PRKN: variants seen among roughly 807,000 people sequenced by gnomAD.
The protein encoded by PRKN is E3 ubiquitin-protein ligase parkin.
PRKN carries 56 observed loss-of-function variants against 59.5 expected under a neutral mutation model. The observed-to-expected ratio is 0.94, with a 90% CI of 0.76 to 1.18. PRKN has a LOEUF of 1.18. Ranked by LOEUF, PRKN falls within the 50% of genes most tolerant of loss-of-function variation. The pLI is 0.00. For synonymous variants in PRKN, 250 were observed against 222.1 expected (o/e 1.13, Z -1.12); for missense variants, 657 against 596.4 (o/e 1.10, Z -1.06).
intron 4 of PRKN, among the ~76,000 whole-genome samples, chr6:162,193,251 G>T (rs1784359939): frequency 6.6e-6 from 1 of 152,160 alleles, no homozygotes; most frequent in Non-Finnish European, 1.5e-5. Context: ...CTAGGCAAAG[G>T]ACAAAGGCTC....
At chr6:161,531,536 G>T (rs1307580013) in intron 9 of PRKN, among the ~76,000 whole-genome samples, 1 of 152,156 alleles carries the variant, frequency 6.6e-6, no homozygotes, top group East Asian at 1.9e-4. Context: ...CAAGGTAGGT[G>T]GCCCAGTAAG....
intron 5 of PRKN, among the ~76,000 whole-genome samples, chr6:162,043,807 C>T (rs374353375): frequency 7.7e-4 from 117 of 152,324 alleles, no homozygotes; most frequent in African/African-American, 2.8e-3. Context: ...AATCTTCATA[C>T]TGGATCATCC....
chr6:162,182,351 T>C (rs1427500058), intron 4 of PRKN, among the ~76,000 whole-genome samples: 5 of 152,202 alleles, frequency 3.3e-5, no homozygotes, highest in Admixed American at 3.3e-4. Flanking sequence ...GAAGACAGAC[T>C]TATAAAATAT....
At chr6:162,723,747 A>G (rs1435119180) in intron 1 of PRKN, among the ~76,000 whole-genome samples, 1 of 152,240 alleles carries the variant, frequency 6.6e-6, no homozygotes, top group Non-Finnish European at 1.5e-5. Flanking sequence ...AAGTAAAAAG[A>G]TATGGCCACA....
intron 6 of PRKN, among the ~76,000 whole-genome samples, chr6:161,961,672 C>T (rs1053765703): frequency 3.9e-5 from 6 of 152,148 alleles, no homozygotes; most frequent in Admixed American, 2.0e-4. Flanking sequence ...CTGCCATCGA[C>T]AGAAATGCAT....
intron 2 of PRKN, among the ~76,000 whole-genome samples, chr6:162,364,974 TC>T (rs1270234248): frequency 1.6e-4 from 24 of 145,776 alleles, no homozygotes; most frequent in South Asian, 6.4e-4. Flanking sequence ...TCTCTCTCTC[TC>T]TCTCTTTTTT....
At chr6:162,005,701 T>C (rs1259353875) in intron 5 of PRKN, among the ~76,000 whole-genome samples, 1 of 152,164 alleles carries the variant, frequency 6.6e-6, no homozygotes, top group Non-Finnish European at 1.5e-5. Flanking sequence ...CAGTTTACTT[T>C]TCCAAGTTAG....
intron 1 of PRKN, among the ~76,000 whole-genome samples, chr6:162,724,290 C>T (rs1210903807): frequency 4.6e-5 from 7 of 152,142 alleles, no homozygotes; most frequent in Admixed American, 6.5e-5. Flanking sequence ...AATTTTTAAC[C>T]GACTTCAATT....
At chr6:161,610,884 A>C (rs1459745160) in intron 7 of PRKN, among the ~76,000 whole-genome samples, 2 of 152,196 alleles carry the variant, frequency 1.3e-5, no homozygotes, top group Non-Finnish European at 2.9e-5. Flanking sequence ...GGTGGTCACA[A>C]GGTGTCACCG....
At chr6:162,186,100 A>G (rs1477259455) in intron 4 of PRKN, among the ~76,000 whole-genome samples, 3 of 152,094 alleles carry the variant, frequency 2.0e-5, no homozygotes, top group African/African-American at 7.2e-5. Flanking sequence ...ACCTTACCCA[A>G]TTCACATGGT....
chr6:161,879,716 T>C (rs545859549), intron 6 of PRKN, among the ~76,000 whole-genome samples: 8 of 152,206 alleles, frequency 5.3e-5, no homozygotes, highest in Non-Finnish European at 1.2e-4. Flanking sequence ...ATGGACTTTT[T>C]TAATGTTAGA....
chr6:161,976,503 G>A lies in PRKN; in HGVS notation c.619-3086C>T, dbSNP rs117965202. ...TTCCCCACAGCAGCATGGAAATCAT[G>A]CTGGCTGATGTTTTTGTTTGGTTAT... On this transcript the variant is annotated intron_variant, in intron 5 of 11. Transcript: ENST00000366898. 6.4e-3 allele frequency among the ~76,000 whole-genome samples: 982 copies of A among 152,306 alleles called. 6 individuals are homozygous for A. The highest frequency in any genetic ancestry group is 0.011 in the Non-Finnish European group (772 of 68,022).
At chr6:162,467,871 T>C (rs891233699) in intron 1 of PRKN, among the ~76,000 whole-genome samples, 3 of 152,048 alleles carry the variant, frequency 2.0e-5, no homozygotes, top group Non-Finnish European at 4.4e-5. Context: ...AGCCAACCCC[T>C]TGCTGGATTT....
chr6:161,670,477 G>A (rs1420432336), intron 7 of PRKN, among the ~76,000 whole-genome samples: 1 of 152,076 alleles, frequency 6.6e-6, no homozygotes, highest in Non-Finnish European at 1.5e-5. Context: ...CTGTATGCAT[G>A]TGAGTCTCCT....
intron 7 of PRKN, among the ~76,000 whole-genome samples, chr6:161,620,722 C>T (rs577374703): frequency 5.9e-5 from 9 of 152,192 alleles, no homozygotes; most frequent in East Asian, 3.9e-4. Context: ...GGATCCAATG[C>T]GTGAATATTT....
At chr6:162,675,540 A>G (rs928030089) in intron 1 of PRKN, among the ~76,000 whole-genome samples, 1 of 152,168 alleles carries the variant, frequency 6.6e-6, no homozygotes, top group East Asian at 1.9e-4. Context: ...AAGGAAACCA[A>G]AGTAATGACA....
intron 7 of PRKN, among the ~76,000 whole-genome samples, chr6:161,649,562 A>G (rs1655912430): frequency 6.6e-6 from 1 of 152,220 alleles, no homozygotes; most frequent in Non-Finnish European, 1.5e-5. Flanking sequence ...AATGGTTTAG[A>G]GACGTAGTTC....
At chr6:162,314,503 C>T (rs1248815300) in intron 2 of PRKN, among the ~76,000 whole-genome samples, 1 of 152,064 alleles carries the variant, frequency 6.6e-6, no homozygotes, top group South Asian at 2.1e-4. Context: ...TTTCCACATG[C>T]AAGATCCTAA....
At chr6:162,692,884 T>A (rs1259615572) in intron 1 of PRKN, among the ~76,000 whole-genome samples, 1 of 152,178 alleles carries the variant, frequency 6.6e-6, no homozygotes, top group Non-Finnish European at 1.5e-5. Flanking sequence ...ACAAACTAGA[T>A]TCTTCCCATT....
Sources: allele counts gnomAD v4.1 joint callset (sites outside exome capture counted in the v4.1 genomes callset), GRCh38; gene constraint gnomAD v4.1.1; transcripts MANE v1.5; gene names NCBI Gene and HGNC (gene_info 2026-07-23, HGNC 2026-07-21).